The following ARFIP1 variants were observed in gnomAD, a reference collection of about 807,000 sequenced individuals.
ARFIP1 encodes the protein ARF interacting protein 1.
Under a neutral mutation model 42.5 loss-of-function variants are expected in ARFIP1, and 24 were observed. The ratio of observed to expected loss-of-function variants is 0.57; its 90% CI spans 0.41 to 0.80. ARFIP1 has a LOEUF of 0.80. Among genes scored for constraint, ARFIP1 ranks in the 30% least tolerant of loss-of-function variants. The pLI, the probability that ARFIP1 is intolerant of heterozygous loss-of-function variation, is 0.00. For synonymous variants in ARFIP1, 141 were observed against 153.7 expected, an observed-to-expected ratio of 0.92 and a Z score of 0.61; for missense variants, 354 against 434.0, an observed-to-expected ratio of 0.82 and a Z score of 1.64.
chr4:152,906,241 A>G lies in ARFIP1; in HGVS notation c.967-3823A>G, dbSNP rs116125891. Among the ~76,000 whole-genome samples, 889 of 152,270 alleles carry G rather than the reference A, an allele frequency of 5.8e-3. 8 individuals carry two copies. The highest frequency in any genetic ancestry group is 0.023 in the South Asian group (110 of 4,818). On this transcript the variant is annotated intron_variant, in intron 8 of 8. Transcript: ENST00000353617. ...CGCTTATCTAGTCATGTGGCTTTAA[A>G]TATCATCTGTATATTAATGACTCCC...
chr4:152,864,096 G>A lies in ARFIP1; in HGVS notation c.202+382G>A, dbSNP rs183829445. ...GCAAATAGAAAAATGAACTTTTTAC[G>A]TTATATAGGAGGTCTCCAAGACCAC... On this transcript the variant is annotated intron_variant, in intron 3 of 8. Coordinates refer to ENST00000353617, the MANE Select transcript of ARFIP1 (RefSeq NM_001025595.3). Among the ~76,000 whole-genome samples, 1,413 of 152,060 alleles carry A rather than the reference G, an allele frequency of 9.3e-3. 9 individuals carry two copies. The highest frequency in any genetic ancestry group is 0.016 in the Non-Finnish European group (1,061 of 67,962).
At chr4:152,795,510 T>A (rs923583663) in intron 1 of ARFIP1, among the ~76,000 whole-genome samples, 6 of 152,150 alleles carry the variant, frequency 3.9e-5, no homozygotes, top group African/African-American at 1.4e-4. Context: ...TGTATTTGTC[T>A]TTGTATATTT....
At chr4:152,875,471 G>C (rs1246171707) in intron 5 of ARFIP1, among the ~76,000 whole-genome samples, 2 of 146,664 alleles carry the variant, frequency 1.4e-5, no homozygotes, top group African/African-American at 5.0e-5. Flanking sequence ...TAATGTTTAA[G>C]AATTTGCCAT....
chr4:152,830,057 TTTCTA>T (rs1297309274), intron 2 of ARFIP1, among the ~76,000 whole-genome samples: 1 of 152,134 alleles, frequency 6.6e-6, no homozygotes, highest in Non-Finnish European at 1.5e-5. Flanking sequence ...ACTAATAACT[TTTCTA>T]TATATATGTC....
chr4:152,856,076 T>C (rs1238814897), intron 2 of ARFIP1, among the ~76,000 whole-genome samples: 2 of 152,138 alleles, frequency 1.3e-5, no homozygotes, highest in Admixed American at 1.3e-4. Flanking sequence ...CTCTTAAGTT[T>C]TCTTTTCTAA....
intron 8 of ARFIP1, 129 bp downstream of exon 8, chr4:152,888,436 T>C: frequency 1.5e-6 from 1 of 661,200 alleles, no homozygotes; most frequent in South Asian, 2.5e-5. Flanking sequence ...TTGTAATCAG[T>C]GTTTGAGTTT....
chr4:152,906,912 T>A (rs1349525516), intron 8 of ARFIP1, among the ~76,000 whole-genome samples: 2 of 152,230 alleles, frequency 1.3e-5, no homozygotes, highest in Non-Finnish European at 2.9e-5. Flanking sequence ...TTCTTCCAGA[T>A]AACTTAAAAG....
At chr4:152,805,468 A>G (rs1169727917) in intron 1 of ARFIP1, among the ~76,000 whole-genome samples, 4 of 152,236 alleles carry the variant, frequency 2.6e-5, no homozygotes, top group Non-Finnish European at 4.4e-5. Context: ...TGCACTGCCA[A>G]TACCTGTAGC....
intron 2 of ARFIP1, among the ~76,000 whole-genome samples, chr4:152,863,380 A>G (rs1489432450): frequency 1.3e-5 from 2 of 152,228 alleles, no homozygotes; most frequent in African/African-American, 4.8e-5. Context: ...TTCCAGAATG[A>G]TGAAAGTGTA....
At chr4:152,838,769 A>G (rs1177363468) in intron 2 of ARFIP1, among the ~76,000 whole-genome samples, 1 of 152,004 alleles carries the variant, frequency 6.6e-6, no homozygotes, top group Non-Finnish European at 1.5e-5. Context: ...GGATGTCCTT[A>G]TTTCTTTCTC....
intron 2 of ARFIP1, among the ~76,000 whole-genome samples, chr4:152,848,382 T>A (rs888371348): frequency 6.6e-6 from 1 of 152,228 alleles, no homozygotes; most frequent in African/African-American, 2.4e-5. Context: ...ATTTTTAGAC[T>A]TCTCTGAAAA....
intron 2 of ARFIP1, among the ~76,000 whole-genome samples, chr4:152,847,011 C>G (rs764466008): frequency 6.6e-6 from 1 of 151,638 alleles, no homozygotes; most frequent in Non-Finnish European, 1.5e-5. Context: ...TAAGAGAGGC[C>G]CTGGTTAGCT....
At chr4:152,871,150 T>C (rs1734845868) in intron 4 of ARFIP1, among the ~76,000 whole-genome samples, 1 of 152,264 alleles carries the variant, frequency 6.6e-6, no homozygotes, top group African/African-American at 2.4e-5. Flanking sequence ...GGTTTACTGT[T>C]TGATCCTAAA....
intron 1 of ARFIP1, among the ~76,000 whole-genome samples, chr4:152,797,340 C>T (rs937371727): frequency 3.3e-5 from 5 of 152,146 alleles, no homozygotes; most frequent in African/African-American, 1.2e-4. Flanking sequence ...ATGTGCTAGT[C>T]CCACACTGCT....
At chr4:152,910,038 G>T in intron 8 of ARFIP1, 26 bp from the exon 9 acceptor site, 1 of 1,609,896 alleles carries the variant, frequency 6.2e-7, no homozygotes, top group Admixed American at 1.7e-5. Flanking sequence ...TTAATGCTTG[G>T]TCTTGTAACT....
chr4:152,848,893 G>A (rs1418979629), intron 2 of ARFIP1, among the ~76,000 whole-genome samples: 3 of 152,064 alleles, frequency 2.0e-5, no homozygotes, highest in South Asian at 2.1e-4. Flanking sequence ...ATGTTTCCAC[G>A]TTACTCACAC....
intron 1 of ARFIP1, among the ~76,000 whole-genome samples, chr4:152,808,108 G>A (rs1729129326): frequency 6.6e-6 from 1 of 151,850 alleles, no homozygotes. Context: ...AGCCTCCCAA[G>A]TAAATGGGAT....
At chr4:152,818,894 T>C (rs1006312625) in intron 1 of ARFIP1, among the ~76,000 whole-genome samples, 3 of 152,282 alleles carry the variant, frequency 2.0e-5, no homozygotes, top group East Asian at 1.9e-4. Flanking sequence ...AACAAAAGCA[T>C]GTGCGCTTCT....
intron 5 of ARFIP1, among the ~76,000 whole-genome samples, chr4:152,880,240 G>T (rs1050525222): frequency 3.1e-4 from 47 of 152,132 alleles, no homozygotes; most frequent in African/African-American, 1.1e-3. Flanking sequence ...CTACTTAGGA[G>T]GCCGAGACAT....
Sources: allele counts gnomAD v4.1 joint callset (sites outside exome capture counted in the v4.1 genomes callset), GRCh38; gene constraint gnomAD v4.1.1; transcripts MANE v1.5; gene names NCBI Gene and HGNC (gene_info 2026-07-23, HGNC 2026-07-21).